SLC22A25: variants seen among roughly 807,000 people sequenced by gnomAD.
The protein encoded by SLC22A25 is MGI:2442751, MGI:2385316, MGI:3042283, MGI:3645714, MGI:3605624, MGI:2442750.
A neutral mutation model predicts 45.9 loss-of-function variants in SLC22A25; 44 were observed. That is an observed-to-expected ratio of 0.96 (90% confidence interval 0.75 to 1.23). The LOEUF (loss-of-function observed/expected upper bound fraction) is 1.23, where lower values mean the gene tolerates loss of function less well. SLC22A25 is among the 50% of genes most tolerant of loss of function. SLC22A25 has a pLI of 0.00. For missense variants in SLC22A25, 800 were observed against 666.4 expected, an observed-to-expected ratio of 1.20 and a Z score of -2.21; for synonymous variants, 283 against 238.6, an observed-to-expected ratio of 1.19 and a Z score of -1.72.
intron 9 of SLC22A25, among the ~76,000 whole-genome samples, chr11:63,178,785 C>T (rs1185023066): frequency 6.6e-6 from 1 of 151,534 alleles, no homozygotes; most frequent in African/African-American, 2.4e-5. Context: ...TGATTGTTTT[C>T]CTTTGTTGTG....
At chr11:63,197,991 C>T (rs909359520) in intron 7 of SLC22A25, among the ~76,000 whole-genome samples, 2 of 152,126 alleles carry the variant, frequency 1.3e-5, no homozygotes, top group Non-Finnish European at 2.9e-5. Context: ...TCATCACTGG[C>T]CATCAGAGAA....
rs983616428 is a variant in SLC22A25, at chr11:63,238,944, G to A, written c.-804C>T. ...GGATCACAGTTTCTTCGTCCAAGAC[G>A]ATGACATTGTCTATGATGTGCACCT... On this transcript the variant is annotated 5_prime_UTR_variant, in exon 2 of 12. Transcript: ENST00000306494. 1.2e-4 allele frequency: 23 copies of A among 192,360 alleles called. No homozygotes were observed. The South Asian group carries it at 1.7e-3, about 14-fold the overall frequency. 11.9% of individuals were successfully genotyped at this position (192,360 alleles called of 1,614,324 possible). A position where few individuals can be genotyped will look rare whatever the true frequency, so the allele number is the denominator to read the frequency against.
intron 7 of SLC22A25, among the ~76,000 whole-genome samples, chr11:63,186,586 T>C (rs1345713581): frequency 2.6e-5 from 4 of 151,470 alleles, no homozygotes; most frequent in African/African-American, 7.3e-5. Flanking sequence ...TTGTTGCCAT[T>C]GCTTTTGGTG....
Position 63,180,698 on chromosome 11 carries a change from G to C in SLC22A25, c.1032C>G (p.Pro344=). 6.2e-7 allele frequency: 1 copy of C among 1,613,014 alleles called. No individual in the cohort carries two copies. Among genetic ancestry groups the C allele is most frequent in the Non-Finnish European group, 8.5e-7 (1 of 1,179,430 alleles). The part of the protein sequence containing the change: ...KHSLCELLRI[P]NICKRICFLS... ...GGAAACAGATTCTTTTACATATGTT[G>C]GGTATGCGGAGCAATTCACAAAGAG... Residue 344 remains proline, a synonymous_variant, in exon 9 of 12, where the codon CCC becomes CCG. Transcript: ENST00000306494.
At position 63,198,428 on chromosome 11, in the gene SLC22A25, G is replaced by A. The variant is rs916389262; in HGVS notation, c.831-14611C>T. Among the ~76,000 whole-genome samples, 6 of 152,282 alleles carry A rather than the reference G, an allele frequency of 3.9e-5. No individual in the cohort carries two copies. In the South Asian group the frequency reaches 1.2e-3, roughly 32 times the overall value. ...ACTTCATATCCTTTGTAGGAACATAGATGAAGGTGGAAACCAGCACTCTGA... is the reference window on the plus strand; with the variant it reads ...ACTTCATATCCTTTGTAGGAACATAAATGAAGGTGGAAACCAGCACTCTGA... On this transcript the variant is annotated intron_variant, in intron 7 of 11. Coordinates refer to ENST00000306494, the MANE Select transcript of SLC22A25 (RefSeq NM_199352.6).
At position 63,243,458 on chromosome 11, in the gene SLC22A25, C is replaced by T. The variant is rs2090285598; in HGVS notation, c.-1020G>A. ...CCTGGACTGTTTCTTCGCCAGGATC[C>T]CAACTTCAAAGTCCCATCTGCAACT... is the stretch of plus-strand genomic sequence containing the variant. On this transcript the variant is annotated 5_prime_UTR_variant, in exon 1 of 12. Coordinates refer to ENST00000306494, the MANE Select transcript of SLC22A25 (RefSeq NM_199352.6). The T allele has an allele frequency of 1.3e-6, 1 of 758,896 alleles. No homozygotes were observed. The highest frequency in any genetic ancestry group is 2.5e-6 in the Non-Finnish European group (1 of 404,934). The allele number at this position is 758,896 out of a possible 1,614,324, so 47.0% of individuals were successfully genotyped here.
intron 7 of SLC22A25, among the ~76,000 whole-genome samples, chr11:63,204,726 C>T (rs545616079): frequency 3.3e-5 from 5 of 152,002 alleles, no homozygotes; most frequent in Non-Finnish European, 1.5e-5. Context: ...ACTTTAACAC[C>T]CCACTGTCAA....
intron 7 of SLC22A25, among the ~76,000 whole-genome samples, chr11:63,215,911 C>G (rs1037354382): frequency 2.0e-5 from 3 of 152,170 alleles, no homozygotes; most frequent in African/African-American, 4.8e-5. Flanking sequence ...GGATGATACC[C>G]TCCAGCTCCA....
intron 3 of SLC22A25, among the ~76,000 whole-genome samples, chr11:63,236,504 AG>A (rs2090166863): frequency 6.6e-6 from 1 of 152,146 alleles, no homozygotes; most frequent in African/African-American, 2.4e-5. Flanking sequence ...GCATAGTATT[AG>A]GGTGGGAGTG....
At chr11:63,187,584 G>A (rs1434043677) in intron 7 of SLC22A25, among the ~76,000 whole-genome samples, 1 of 152,146 alleles carries the variant, frequency 6.6e-6, no homozygotes, top group Non-Finnish European at 1.5e-5. Flanking sequence ...ACACTATGTT[G>A]AATAGGAGTG....
At chr11:63,165,419 A>AT (rs1012080411) in intron 10 of SLC22A25, among the ~76,000 whole-genome samples, 1 of 152,146 alleles carries the variant, frequency 6.6e-6, no homozygotes, top group Non-Finnish European at 1.5e-5. Flanking sequence ...TCCCTTATTT[A>AT]TTGCTTGTGA....
At chr11:63,220,670 T>A (rs2089833127) in intron 5 of SLC22A25, among the ~76,000 whole-genome samples, 1 of 152,224 alleles carries the variant, frequency 6.6e-6, no homozygotes, top group Admixed American at 6.6e-5. Context: ...AAATTATTAC[T>A]GACTGCAGTC....
intron 8 of SLC22A25, among the ~76,000 whole-genome samples, chr11:63,183,393 T>C (rs919286018): frequency 5.3e-5 from 8 of 152,100 alleles, no homozygotes; most frequent in African/African-American, 1.9e-4. Context: ...TGGGAAGTAA[T>C]GAACTAATTT....
intron 5 of SLC22A25, among the ~76,000 whole-genome samples, chr11:63,223,373 T>A (rs1179757899): frequency 6.6e-6 from 1 of 152,116 alleles, no homozygotes; most frequent in Admixed American, 6.5e-5. Flanking sequence ...TATCTAGGAA[T>A]TTACCCATTT....
At chr11:63,215,445 T>G (rs796765564) in intron 7 of SLC22A25, among the ~76,000 whole-genome samples, 15 of 152,124 alleles carry the variant, frequency 9.9e-5, no homozygotes, top group African/African-American at 3.6e-4. Context: ...GATGGGAGAC[T>G]AGGGGAGGGA....
Position 63,217,717 on chromosome 11 carries a change from C to CA in SLC22A25, c.524dup (p.Leu176AlafsTer37). On this transcript the variant is annotated frameshift_variant, in exon 6 of 12. Coordinates refer to ENST00000306494, the MANE Select transcript of SLC22A25 (RefSeq NM_199352.6). LOFTEE classifies it high-confidence loss of function. Reference sequence around the variant, plus strand: ...CGAGCTGGAGGTAAGACCATCTGAGCACGAACTTTCTCCCAAACCTGAGAA... The same window carrying CA: ...CGAGCTGGAGGTAAGACCATCTGAGCAACGAACTTTCTCCCAAACCTGAGAA... The CA allele has an allele frequency of 1.9e-6, 3 of 1,608,322 alleles. No homozygotes were observed. The highest frequency in any genetic ancestry group is 2.5e-6 in the Non-Finnish European group (3 of 1,178,558).
At chr11:63,179,999 T>G (rs761189548) in intron 9 of SLC22A25, among the ~76,000 whole-genome samples, 22 of 152,164 alleles carry the variant, frequency 1.4e-4, no homozygotes, top group Non-Finnish European at 3.2e-4. Context: ...GGGTGTCCTC[T>G]CTTGGCATGA....
intron 7 of SLC22A25, among the ~76,000 whole-genome samples, chr11:63,190,414 C>A (rs925216475): frequency 6.6e-6 from 1 of 152,146 alleles, no homozygotes; most frequent in African/African-American, 2.4e-5. Flanking sequence ...TTAAGGACTT[C>A]TCTGCATTGG....
At position 63,199,924 on chromosome 11, in the gene SLC22A25, C is replaced by G. The variant is rs138992602; in HGVS notation, c.831-16107G>C. Among the ~76,000 whole-genome samples, 604 of 152,116 alleles carry G rather than the reference C, an allele frequency of 4.0e-3. 4 individuals carry two copies. Among genetic ancestry groups the G allele is most frequent in the Non-Finnish European group, 5.1e-3 (347 of 68,002 alleles). The stretch of plus-strand genomic sequence containing the variant: ...TGTGCCTGCGTGCCAGACACCCAAT[C>G]TTGCAAGATCACCATTGAAAGTCTC... On this transcript the variant is annotated intron_variant, in intron 7 of 11. Coordinates refer to ENST00000306494, the MANE Select transcript of SLC22A25 (RefSeq NM_199352.6).
Sources: gnomAD v4.1 joint callset for allele counts (sites outside exome capture counted in the v4.1 genomes callset) on GRCh38, gnomAD v4.1.1 for gene constraint, MANE v1.5 for transcripts, NCBI Gene and HGNC (gene_info 2026-07-23, HGNC 2026-07-21) for gene names.